Variants in LGI1 observed in about 807,000 individuals in gnomAD.
LGI1 encodes leucine-rich glioma-inactivated protein 1.
LGI1 carries 11 observed loss-of-function variants against 57.7 expected under a neutral mutation model. That is an observed-to-expected ratio of 0.19 (90% CI 0.12 to 0.32). The LOEUF is 0.32. LGI1 is among the 10% of genes least tolerant of loss of function. The pLI, the probability that LGI1 is intolerant of heterozygous loss-of-function variation, is 1.00. For missense variants in LGI1, 422 were observed against 661.9 expected (o/e 0.64, Z 3.98); for synonymous variants, 222 against 241.9 (o/e 0.92, Z 0.76).
chr10:93,776,357 A>C (rs1307858351), intron 2 of LGI1, among the ~76,000 whole-genome samples: 1 of 152,186 alleles, frequency 6.6e-6, no homozygotes, highest in African/African-American at 2.4e-5. Flanking sequence ...TTCAAAAATC[A>C]TCAACTCATG....
intron 7 of LGI1, chr10:93,794,556 G>A (rs2059964831): frequency 1.3e-5 from 2 of 151,848 alleles, no homozygotes; most frequent in Non-Finnish European, 2.9e-5. Flanking sequence ...GTAGAGATGG[G>A]GTTTCACCAA....
intron 2 of LGI1, among the ~76,000 whole-genome samples, chr10:93,766,026 C>A (rs2059673343): frequency 6.7e-6 from 1 of 148,226 alleles, no homozygotes. Context: ...TTCTAACAAA[C>A]CAATACATTA....
chr10:93,776,335 C>T (rs1480300391), intron 2 of LGI1, among the ~76,000 whole-genome samples: 2 of 152,156 alleles, frequency 1.3e-5, no homozygotes. Flanking sequence ...TCTTATGTAT[C>T]CATCTTTCAG....
At chr10:93,762,520 T>C (rs2059634346) in intron 2 of LGI1, 1 of 152,214 alleles carries the variant, frequency 6.6e-6, no homozygotes, top group South Asian at 2.1e-4. Flanking sequence ...CTCCTTATAT[T>C]AGAAGCCTAC....
rs184156482 is a variant in LGI1, at chr10:93,787,946, G to C, written c.432-2153G>C. On this transcript the variant is annotated intron_variant, in intron 4 of 7. Coordinates refer to ENST00000371418, the MANE Select transcript of LGI1 (RefSeq NM_005097.4). ...AAAAAGAATTCCCCTTGGACAGTAA[G>C]ACAAGCATGGTGCCTTCTCCTGTAT... Among the ~76,000 whole-genome samples, 644 of 150,532 alleles carry C rather than the reference G, an allele frequency of 4.3e-3. 1 individual carries two copies. Among genetic ancestry groups the C allele is most frequent in the Non-Finnish European group, 6.4e-3 (435 of 67,726 alleles).
At chr10:93,761,103 G>A (rs1261675609) in intron 2 of LGI1, among the ~76,000 whole-genome samples, 1 of 152,172 alleles carries the variant, frequency 6.6e-6, no homozygotes, top group African/African-American at 2.4e-5. Context: ...GGAAATATAT[G>A]AGAAGGCTCT....
chr10:93,784,321 A>G (rs1419039923), intron 4 of LGI1, among the ~76,000 whole-genome samples: 2 of 152,148 alleles, frequency 1.3e-5, no homozygotes, highest in African/African-American at 2.4e-5. Flanking sequence ...CTAAAGTATC[A>G]CCTATCCTAG....
At chr10:93,764,735 A>G (rs2059656822) in intron 2 of LGI1, 1 of 152,274 alleles carries the variant, frequency 6.6e-6, no homozygotes, top group South Asian at 2.1e-4. Context: ...GTAAGGATTA[A>G]GTAAAACAAT....
chr10:93,787,324 A>G (rs2059899450), intron 4 of LGI1, among the ~76,000 whole-genome samples: 2 of 152,048 alleles, frequency 1.3e-5, no homozygotes, highest in Non-Finnish European at 2.9e-5. Flanking sequence ...CCACCCTCTG[A>G]TTCCCAAGGC....
Position 93,797,768 on chromosome 10 carries a change from A to G in LGI1, c.1639A>G (p.Ile547Val). 6.2e-7 allele frequency: 1 copy of G among 1,604,742 alleles called. No homozygotes were observed. Among genetic ancestry groups the G allele is most frequent in the Non-Finnish European group, 8.5e-7 (1 of 1,179,930 alleles). ...FASSFKGNTQ[I>V]YKHVIVDLSA Reference sequence around the variant, plus strand: ...TTCCAGTTTTAAGGGAAATACACAGATTTACAAACATGTCATAGTTGACTT... The same window carrying G: ...TTCCAGTTTTAAGGGAAATACACAGGTTTACAAACATGTCATAGTTGACTT... Residue 547 changes from isoleucine (I) to valine (V), a missense_variant, in exon 8 of 8, where the codon ATT (isoleucine) becomes GTT (valine). Physicochemically the swap from Ile to Val is conservative, Grantham distance 29. Around this residue, in one of 3 missense-constraint regions of LGI1, gnomAD observed 301 missense variants for 461.7 expected, o/e 0.65. Transcript: ENST00000371418. The surrounding 1 kb of genome is among the most constrained non-coding windows in gnomAD (Gnocchi z 6.5).
intron 2 of LGI1, chr10:93,772,894 G>A (rs554680638): frequency 1.3e-5 from 2 of 151,910 alleles, no homozygotes; most frequent in Admixed American, 6.6e-5. Context: ...GGGCAGCATG[G>A]TGAAACTCCA....
At position 93,792,886 on chromosome 10, in the gene LGI1, C is replaced by T. The variant is rs1318179573; in HGVS notation, c.647C>T (p.Ser216Leu). 1.1e-5 allele frequency: 18 copies of T among 1,613,868 alleles called. No individual in the cohort carries two copies. The highest frequency in any genetic ancestry group is 1.1e-4 in the East Asian group (5 of 44,876). The change falls in exon 6 of 8, where the codon TCG (serine) becomes TTG (leucine). Residue 216 changes from serine to leucine, a missense_variant. Transcript: ENST00000371418. ...AAGCGCAAAATCAATAGTCTCTCCT[C>T]GAAGGATTTTGATTGCATCATTACA... ...YKKRKINSLS[S>L]KDFDCIITEF...
Position 93,792,743 on chromosome 10 carries a change from G to A in LGI1, c.504G>A (p.Val168=). ...AAAGCAGCTGAAGTTTGTCTTTCAG[G>A]GACCTGAGGGGTAATTCATTTAATT... The part of the protein sequence containing the change: ...IFKGLDSLTN[V]DLRGNSFNCD... The change falls in exon 6 of 8, where the codon GTG becomes GTA. Residue 168 remains valine (V), a splice_region_variant and synonymous_variant. Coordinates refer to ENST00000371418, the MANE Select transcript of LGI1 (RefSeq NM_005097.4). 1.9e-6 allele frequency: 3 copies of A among 1,613,952 alleles called. No homozygotes were observed. Among genetic ancestry groups the A allele is most frequent in the South Asian group, 1.1e-5 (1 of 91,068 alleles).
intron 2 of LGI1, among the ~76,000 whole-genome samples, chr10:93,760,424 A>C (rs1340331746): frequency 6.6e-6 from 1 of 152,248 alleles, no homozygotes; most frequent in African/African-American, 2.4e-5. Context: ...CTCACTTGTT[A>C]AATGAATAAA....
chr10:93,763,058 T>C (rs927362856), intron 2 of LGI1: 2 of 152,338 alleles, frequency 1.3e-5, no homozygotes, highest in South Asian at 2.1e-4. Context: ...TTTCATTCAC[T>C]GTTTCACAGG....
intron 4 of LGI1, among the ~76,000 whole-genome samples, chr10:93,788,053 A>G (rs1378099433): frequency 6.6e-6 from 1 of 152,170 alleles, no homozygotes; most frequent in Non-Finnish European, 1.5e-5. Flanking sequence ...CCTCCTCTAA[A>G]TTTATGCTCT....
At chr10:93,777,208 T>G (rs2059802877) in intron 2 of LGI1, 171 bp from the exon 3 acceptor site, 1 of 675,818 alleles carries the variant, frequency 1.5e-6, no homozygotes, top group Non-Finnish European at 2.7e-6. Flanking sequence ...GAGGAGATGA[T>G]TAGGAGTAAA....
intron 4 of LGI1, chr10:93,789,238 T>C (rs917884074): frequency 2.6e-5 from 4 of 152,204 alleles, no homozygotes; most frequent in African/African-American, 9.7e-5. Context: ...AATAGATGGA[T>C]AGGTTTTTAT....
At chr10:93,771,568 A>G (rs2059740714) in intron 2 of LGI1, 1 of 152,216 alleles carries the variant, frequency 6.6e-6, no homozygotes, top group Non-Finnish European at 1.5e-5. Context: ...TAACGAGTGC[A>G]TTGCACACTA....
Sources: allele counts gnomAD v4.1 joint callset (sites outside exome capture counted in the v4.1 genomes callset), GRCh38; gene constraint gnomAD v4.1.1; regional missense constraint gnomAD v4.1.1; non-coding constraint Gnocchi (gnomAD v3.1); transcripts MANE v1.5; gene names NCBI Gene and HGNC (gene_info 2026-07-23, HGNC 2026-07-21).